PPP2R5E: variants seen among roughly 807,000 people sequenced by gnomAD.
The protein encoded by PPP2R5E is protein phosphatase 2 regulatory subunit B'epsilon.
In PPP2R5E, 4 loss-of-function variants were observed where a neutral mutation model predicts 65.3. The ratio of observed to expected loss-of-function variants is 0.06; its 90% CI spans 0.03 to 0.14. The LOEUF is 0.14. Ranked by LOEUF, PPP2R5E falls within the 10% of genes least tolerant of loss-of-function variation. The pLI is 1.00. For synonymous variants in PPP2R5E, 183 were observed against 187.4 expected (o/e 0.98, Z 0.19); for missense variants, 274 against 556.1 (o/e 0.49, Z 5.10).
At chr14:63,399,270 T>G (rs1885596521) in intron 5 of PPP2R5E, among the ~76,000 whole-genome samples, 1 of 150,896 alleles carries the variant, frequency 6.6e-6, no homozygotes, top group Non-Finnish European at 1.5e-5. Context: ...GGCCATACAA[T>G]GTATGACTCC....
At chr14:63,481,495 CAAAAAAAAAA>C (rs59764365) in intron 2 of PPP2R5E, among the ~76,000 whole-genome samples, 1 of 93,080 alleles carries the variant, frequency 1.1e-5, no homozygotes, top group African/African-American at 3.0e-5. Context: ...GACTCCATCT[CAAAAAAAAAA>C]AAAAAAAAAA....
intron 2 of PPP2R5E, among the ~76,000 whole-genome samples, chr14:63,510,594 G>C (rs912352834): frequency 6.6e-6 from 1 of 152,232 alleles, no homozygotes; most frequent in Non-Finnish European, 1.5e-5. Context: ...AAGGAGACAC[G>C]CTGAGTATCC....
intron 2 of PPP2R5E, among the ~76,000 whole-genome samples, chr14:63,524,741 C>T (rs1893109278): frequency 6.6e-6 from 1 of 152,208 alleles, no homozygotes; most frequent in African/African-American, 2.4e-5. Flanking sequence ...CCGGCCTGGC[C>T]AGCCTTCTTG....
At chr14:63,450,166 G>C (rs916160728) in intron 3 of PPP2R5E, among the ~76,000 whole-genome samples, 1 of 152,148 alleles carries the variant, frequency 6.6e-6, no homozygotes. Context: ...GTGAGCCACC[G>C]CGCCCAGCGC....
At chr14:63,433,191 C>T (rs1203178019) in intron 3 of PPP2R5E, among the ~76,000 whole-genome samples, 1 of 151,886 alleles carries the variant, frequency 6.6e-6, no homozygotes, top group Non-Finnish European at 1.5e-5. Flanking sequence ...GCATGTGCCA[C>T]CACACCCTGC....
At chr14:63,421,916 C>T in intron 4 of PPP2R5E, 77 bp downstream of exon 4, 1 of 1,103,426 alleles carries the variant, frequency 9.1e-7, no homozygotes, top group African/African-American at 1.6e-5. Context: ...TGAATAAAGC[C>T]CTTCAAGGAA....
At chr14:63,379,826 C>CTCTCTTTTTTTTTTTTTT (rs528081976) in intron 13 of PPP2R5E, among the ~76,000 whole-genome samples, 1 of 100,300 alleles carries the variant, frequency 1.0e-5, no homozygotes, top group African/African-American at 5.2e-5. Context: ...TATTCTCTCT[C>CTCTCTTTTTTTTTTTTTT]TTTTTTTTTT....
At chr14:63,522,799 TCCAGGAAGGAGGTGGGGGTCACCCA>T (rs1284833522) in intron 2 of PPP2R5E, among the ~76,000 whole-genome samples, 4 of 147,000 alleles carry the variant, frequency 2.7e-5, no homozygotes, top group Non-Finnish European at 6.0e-5. Flanking sequence ...AGCCACCCCG[TCCAGGAAGGAGGTGGGGGTCACCCA>T]CCGCCAGGCC....
Position 63,373,186 on chromosome 14 carries a change from A to G in PPP2R5E, c.*2823T>C, listed in dbSNP as rs1312918451. The G allele has an allele frequency of 6.6e-6, 1 of 152,214 alleles. No homozygotes were observed. Among genetic ancestry groups the G allele is most frequent in the African/African-American group, 2.4e-5 (1 of 41,458 alleles). The allele number at this position is 152,214 out of a possible 1,614,324, so 9.4% of individuals were successfully genotyped here. On this transcript the variant is annotated 3_prime_UTR_variant, in exon 14 of 14. Transcript: ENST00000337537. ...CTCTTCCAAAGACACTCTTAATCCT[A>G]TCCCTGAAACCAATATGGTAAGGAT...
intron 3 of PPP2R5E, among the ~76,000 whole-genome samples, chr14:63,424,242 G>C (rs536356488): frequency 6.6e-6 from 1 of 152,174 alleles, no homozygotes; most frequent in Non-Finnish European, 1.5e-5. Context: ...AAAGGGAAAA[G>C]TTTATTTCTT....
intron 10 of PPP2R5E, among the ~76,000 whole-genome samples, chr14:63,391,394 A>AGTTTTGTTTT (rs150324955): frequency 0.016 from 2,371 of 149,086 alleles, 59 homozygotes; most frequent in East Asian, 0.1. Flanking sequence ...GAGATGATGC[A>AGTTTTGTTTT]GTTTTGCTTT....
At chr14:63,389,248 C>G (rs1190034087) in intron 11 of PPP2R5E, among the ~76,000 whole-genome samples, 2 of 151,364 alleles carry the variant, frequency 1.3e-5, no homozygotes, top group Non-Finnish European at 2.9e-5. Flanking sequence ...TCCTCTTAAA[C>G]ATTATTTAGC....
At chr14:63,504,774 G>A (rs1242090771) in intron 2 of PPP2R5E, among the ~76,000 whole-genome samples, 2 of 152,014 alleles carry the variant, frequency 1.3e-5, no homozygotes, top group Non-Finnish European at 2.9e-5. Context: ...TTTACCCCCA[G>A]GGCATAGCAT....
chr14:63,461,600 T>C (rs552823727), intron 2 of PPP2R5E, among the ~76,000 whole-genome samples: 1 of 148,326 alleles, frequency 6.7e-6, no homozygotes, highest in East Asian at 2.0e-4. Context: ...TGTTTGAGAC[T>C]AGCCTAGGCA....
At chr14:63,440,698 G>A (rs1180363203) in intron 3 of PPP2R5E, among the ~76,000 whole-genome samples, 1 of 151,562 alleles carries the variant, frequency 6.6e-6, no homozygotes, top group Non-Finnish European at 1.5e-5. Flanking sequence ...CAGCACTTTG[G>A]GAGGCCGAGG....
chr14:63,431,148 G>A (rs1420173676), intron 3 of PPP2R5E, among the ~76,000 whole-genome samples: 1 of 151,990 alleles, frequency 6.6e-6, no homozygotes, highest in Admixed American at 6.6e-5. Context: ...CATGCCTGTA[G>A]TCCCAGCTAC....
chr14:63,384,949 C>A (rs1209919873), intron 11 of PPP2R5E, among the ~76,000 whole-genome samples: 1 of 152,114 alleles, frequency 6.6e-6, no homozygotes, highest in Non-Finnish European at 1.5e-5. Flanking sequence ...CCACCTCAGC[C>A]TCCCAAAAGT....
chr14:63,448,191 GGAGGCT>G (rs1382136695), intron 3 of PPP2R5E, among the ~76,000 whole-genome samples: 1 of 152,026 alleles, frequency 6.6e-6, no homozygotes, highest in African/African-American at 2.4e-5. Context: ...CAGCTACTCA[GGAGGCT>G]GAGGCAGGAG....
At chr14:63,384,742 A>G (rs1054031105) in intron 11 of PPP2R5E, among the ~76,000 whole-genome samples, 171 bp from the exon 12 acceptor site, 10 of 152,090 alleles carry the variant, frequency 6.6e-5, no homozygotes, top group African/African-American at 2.4e-4. Flanking sequence ...TTGAGATGGG[A>G]GTCTCGCTAG....
Sources: gnomAD v4.1 joint callset for allele counts (sites outside exome capture counted in the v4.1 genomes callset) on GRCh38, gnomAD v4.1.1 for gene constraint, MANE v1.5 for transcripts, NCBI Gene and HGNC (gene_info 2026-07-23, HGNC 2026-07-21) for gene names.